Variants in NRXN1 observed in about 807,000 individuals in gnomAD.
The protein encoded by NRXN1 is neurexin-1.
NRXN1 carries 39 observed loss-of-function variants against 150.9 expected under a neutral mutation model. The observed-to-expected ratio is 0.26, with a 90% confidence interval of 0.20 to 0.34. The LOEUF (loss-of-function observed/expected upper bound fraction) is 0.34, where lower values mean the gene tolerates loss of function less well. Ranked by LOEUF, NRXN1 falls within the 10% of genes least tolerant of loss-of-function variation. NRXN1 has a pLI of 1.00. For synonymous variants in NRXN1, 924 were observed against 757.0 expected, an observed-to-expected ratio of 1.22 and a Z score of -3.62; for missense variants, 1,815 against 1,949.9, an observed-to-expected ratio of 0.93 and a Z score of 1.30.
chr2:50,263,811 C>T (rs1160825948), intron 17 of NRXN1, among the ~76,000 whole-genome samples: 1 of 152,090 alleles, frequency 6.6e-6, no homozygotes, highest in Admixed American at 6.6e-5. Context: ...GTGGCAGCTA[C>T]ATTCAAAGGA....
intron 18 of NRXN1, among the ~76,000 whole-genome samples, chr2:50,233,950 T>C (rs2065189335): frequency 6.6e-6 from 1 of 152,094 alleles, no homozygotes; most frequent in Non-Finnish European, 1.5e-5. Flanking sequence ...TCTGCTTCTA[T>C]CACCCCCAGG....
Position 50,037,551 on chromosome 2 carries a change from C to T in NRXN1, c.4128+15720G>A, listed in dbSNP as rs531818223. Reference sequence around the variant, plus strand: ...AGTCAGAAATATAAGACTATTTTCTCCTGAGATTTCATTAAAGATACGATA... The same window carrying T: ...AGTCAGAAATATAAGACTATTTTCTTCTGAGATTTCATTAAAGATACGATA... On this transcript the variant is annotated intron_variant, in intron 21 of 22. Transcript: ENST00000401669. Among the ~76,000 whole-genome samples the T allele has an allele frequency of 9.9e-5, 15 of 152,170 alleles. No homozygotes were observed. The East Asian group carries it at 2.7e-3, about 27-fold the overall frequency.
At chr2:50,438,368 A>C (rs542586251) in intron 17 of NRXN1, among the ~76,000 whole-genome samples, 1 of 152,348 alleles carries the variant, frequency 6.6e-6, no homozygotes, top group African/African-American at 2.4e-5. Flanking sequence ...GCAAAATGTC[A>C]ACCAGTGAAT....
At chr2:50,465,928 G>C (rs915913652) in intron 16 of NRXN1, among the ~76,000 whole-genome samples, 1 of 151,720 alleles carries the variant, frequency 6.6e-6, no homozygotes, top group Non-Finnish European at 1.5e-5. Flanking sequence ...AATGAATAGA[G>C]ACATAATGAG....
intron 12 of NRXN1, among the ~76,000 whole-genome samples, chr2:50,521,599 C>G (rs577949764): frequency 1.6e-4 from 24 of 152,300 alleles, no homozygotes; most frequent in Middle Eastern, 3.4e-3. Context: ...AATTCTTTGA[C>G]CGTCCCCATG....
rs186266573 is a variant in NRXN1 at position 50,084,398 on chromosome 2, G to A, written c.3718+6925C>T. 4.3e-3 allele frequency among the ~76,000 whole-genome samples: 658 copies of A among 152,236 alleles called. 4 individuals carry two copies. The highest frequency in any genetic ancestry group is 0.015 in the African/African-American group (606 of 41,562). On this transcript the variant is annotated intron_variant, in intron 19 of 22. Transcript: ENST00000401669. Reference sequence around the variant, plus strand: ...CCAGTGAGAAATCGAGCGCAGTGCCGGTGGGCCGGCACTGATGGGGGACCC... The same window carrying A: ...CCAGTGAGAAATCGAGCGCAGTGCCAGTGGGCCGGCACTGATGGGGGACCC...
chr2:50,962,627 T>C (rs1693394708), intron 2 of NRXN1, among the ~76,000 whole-genome samples: 1 of 151,690 alleles, frequency 6.6e-6, no homozygotes. Context: ...TTATGTCAGC[T>C]TTCTTATGTT....
chr2:50,028,901 A>G (rs529888191), intron 21 of NRXN1, among the ~76,000 whole-genome samples: 2 of 152,334 alleles, frequency 1.3e-5, no homozygotes, highest in South Asian at 2.1e-4. Context: ...AAACTATATA[A>G]CCAAGGAAAT....
chr2:50,372,325 C>T (rs916519715), intron 17 of NRXN1, among the ~76,000 whole-genome samples: 7 of 152,016 alleles, frequency 4.6e-5, no homozygotes, highest in Non-Finnish European at 8.8e-5. Flanking sequence ...TGGTATTTTA[C>T]GGTCTAACTG....
At chr2:50,916,597 C>T (rs1395120590) in intron 5 of NRXN1, among the ~76,000 whole-genome samples, 8 of 151,576 alleles carry the variant, frequency 5.3e-5, no homozygotes, top group African/African-American at 9.7e-5. Context: ...TTGCTATTTG[C>T]AACATATTTC....
At chr2:50,098,860 T>TACA (rs1558874915) in intron 18 of NRXN1, among the ~76,000 whole-genome samples, 1 of 30,612 alleles carries the variant, frequency 3.3e-5, no homozygotes, top group African/African-American at 1.3e-4. Context: ...TTTTTTTTTT[T>TACA]TTTTTTTTTT....
chr2:50,709,608 T>A (rs556348232), intron 5 of NRXN1, among the ~76,000 whole-genome samples: 5 of 152,250 alleles, frequency 3.3e-5, no homozygotes, highest in African/African-American at 1.2e-4. Flanking sequence ...TTACCTGAGA[T>A]ATGACCTGAA....
chr2:50,019,144 C>T (rs935140281), intron 21 of NRXN1: 1 of 469,184 alleles, frequency 2.1e-6, no homozygotes, highest in East Asian at 7.0e-5. Context: ...GTATAGGGTT[C>T]GATTACTCAT....
chr2:50,847,840 C>T (rs1425598289), intron 5 of NRXN1, among the ~76,000 whole-genome samples: 1 of 152,052 alleles, frequency 6.6e-6, no homozygotes, highest in Admixed American at 6.5e-5. Context: ...GCTGGAGCGA[C>T]CAGAGAAGAG....
At chr2:50,044,375 T>C (rs530312730) in intron 21 of NRXN1, among the ~76,000 whole-genome samples, 5 of 152,208 alleles carry the variant, frequency 3.3e-5, no homozygotes, top group African/African-American at 9.6e-5. Context: ...CTCTATTAAA[T>C]CTACAGACTT....
intron 21 of NRXN1, among the ~76,000 whole-genome samples, chr2:49,947,320 C>G (rs1020548082): frequency 1.3e-5 from 2 of 151,912 alleles, no homozygotes. Flanking sequence ...AAACCAATGG[C>G]TCTCACATCA....
chr2:50,605,161 C>A (rs1676887286), intron 8 of NRXN1, among the ~76,000 whole-genome samples: 1 of 152,194 alleles, frequency 6.6e-6, no homozygotes, highest in African/African-American at 2.4e-5. Context: ...TCTCCTCAAC[C>A]ATGTCTTAAT....
chr2:50,337,269 C>T (rs1397934487), intron 17 of NRXN1, among the ~76,000 whole-genome samples: 2 of 151,568 alleles, frequency 1.3e-5, no homozygotes, highest in Admixed American at 6.6e-5. Context: ...ATTTTTAGTA[C>T]GGATGGGGTT....
chr2:50,660,422 G>A (rs2104635273), intron 5 of NRXN1, among the ~76,000 whole-genome samples: 1 of 152,106 alleles, frequency 6.6e-6, no homozygotes, highest in Non-Finnish European at 1.5e-5. Context: ...TCTCCACACT[G>A]TATATGAATA....
Sources: allele counts gnomAD v4.1 joint callset (sites outside exome capture counted in the v4.1 genomes callset), GRCh38; gene constraint gnomAD v4.1.1; transcripts MANE v1.5; gene names NCBI Gene and HGNC (gene_info 2026-07-23, HGNC 2026-07-21).